PLCB1: variants seen among roughly 807,000 people sequenced by gnomAD.
PLCB1 encodes phospholipase C beta 1.
PLCB1 carries 46 observed loss-of-function variants against 161.8 expected under a neutral mutation model. The ratio of observed to expected loss-of-function variants is 0.28; its 90% confidence interval spans 0.22 to 0.36. The LOEUF (loss-of-function observed/expected upper bound fraction) is 0.36, where lower values mean the gene tolerates loss of function less well. Among genes scored for constraint, PLCB1 ranks in the 10% least tolerant of loss-of-function variants. The pLI, the probability that PLCB1 is intolerant of heterozygous loss-of-function variation, is 1.00. For missense variants in PLCB1, 1,016 were observed against 1,472.5 expected (o/e 0.69, Z 5.07); for synonymous variants, 517 against 503.7 (o/e 1.03, Z -0.35).
intron 1 of PLCB1, among the ~76,000 whole-genome samples, chr20:8,140,746 G>A (rs1343525740): frequency 2.0e-5 from 3 of 152,060 alleles, no homozygotes; most frequent in Admixed American, 1.3e-4. Context: ...CTACCATGAT[G>A]TCCCCGAACA....
intron 2 of PLCB1, among the ~76,000 whole-genome samples, chr20:8,368,345 T>C (rs1206967969): frequency 2.0e-5 from 3 of 151,752 alleles, no homozygotes; most frequent in Non-Finnish European, 4.4e-5. Flanking sequence ...CTGGCCAACA[T>C]AGCAAAATGC....
At position 8,705,017 on chromosome 20, in the gene PLCB1, C is replaced by T. The variant is rs73598300; in HGVS notation, c.1168-3653C>T. On this transcript the variant is annotated intron_variant, in intron 11 of 31. Coordinates refer to ENST00000338037, the MANE Select transcript of PLCB1 (RefSeq NM_015192.4). Reference sequence around the variant, plus strand: ...TTTTTTCCTATTCAGGCTTCCAGTGCGTTGAATGAGGCCCATCCACATTAG... The same window carrying T: ...TTTTTTCCTATTCAGGCTTCCAGTGTGTTGAATGAGGCCCATCCACATTAG... Among the ~76,000 whole-genome samples, 795 of 108,932 alleles carry T rather than the reference C, an allele frequency of 7.3e-3. 53 individuals are homozygous for T. The East Asian group carries it at 0.18, about 25-fold the overall frequency. The allele number at this position is 108,932 out of a possible 152,430, so 71.5% of individuals were successfully genotyped here. A position where few individuals can be genotyped will look rare whatever the true frequency, so the allele number is the denominator to read the frequency against.
At chr20:8,445,753 G>A (rs1294684442) in intron 3 of PLCB1, among the ~76,000 whole-genome samples, 1 of 151,756 alleles carries the variant, frequency 6.6e-6, no homozygotes, top group African/African-American at 2.4e-5. Context: ...TCCTTGAAGA[G>A]GTCCTTCACA....
At chr20:8,492,921 G>A (rs958353921) in intron 3 of PLCB1, among the ~76,000 whole-genome samples, 1 of 151,062 alleles carries the variant, frequency 6.6e-6, no homozygotes, top group Non-Finnish European at 1.5e-5. Context: ...TTTAAATTAT[G>A]TTCATTACAT....
intron 3 of PLCB1, among the ~76,000 whole-genome samples, chr20:8,443,081 G>A (rs576758651): frequency 6.6e-6 from 1 of 151,624 alleles, no homozygotes; most frequent in South Asian, 2.1e-4. Flanking sequence ...CTGGGTTCAA[G>A]CGATTCTCCT....
intron 2 of PLCB1, among the ~76,000 whole-genome samples, chr20:8,314,372 G>A (rs954372003): frequency 6.6e-6 from 1 of 152,126 alleles, no homozygotes; most frequent in Non-Finnish European, 1.5e-5. Flanking sequence ...TCATTGAAGG[G>A]AAATGATAGT....
In PLCB1 at chr20:8,360,779, T is replaced by C. The variant is rs186504617; in HGVS notation, c.178-10603T>C. Among the ~76,000 whole-genome samples the C allele has an allele frequency of 8.5e-5, 13 of 152,296 alleles. No homozygotes were observed. The East Asian group carries it at 2.3e-3, about 27-fold the overall frequency. ...AAAGGGAGGGGAAAAAAGACCACAC[T>C]TGTCAACTTAAAATATCTCATTTTG... On this transcript the variant is annotated intron_variant, in intron 2 of 31. Transcript: ENST00000338037.
At chr20:8,316,850 G>A (rs1984681906) in intron 2 of PLCB1, among the ~76,000 whole-genome samples, 1 of 151,964 alleles carries the variant, frequency 6.6e-6, no homozygotes, top group African/African-American at 2.4e-5. Context: ...GGGATCATAG[G>A]ACTCTTGTTT....
intron 3 of PLCB1, among the ~76,000 whole-genome samples, chr20:8,496,664 G>C (rs983155453): frequency 2.6e-5 from 4 of 152,118 alleles, no homozygotes; most frequent in Non-Finnish European, 5.9e-5. Flanking sequence ...TTTTGGCATG[G>C]AGTTGGCTAA....
In PLCB1 at chr20:8,577,387, G is replaced by A. The variant is rs184953647; in HGVS notation, c.247-50907G>A. ...CGGGAGGCGGAGCTTGCAGTGAGCC[G>A]AGGTCGTGCCACTGCACTCCAGCCT... On this transcript the variant is annotated intron_variant, in intron 3 of 31. Transcript: ENST00000338037. Among the ~76,000 whole-genome samples the A allele has an allele frequency of 4.8e-3, 716 of 149,124 alleles. 2 individuals carry two copies. The highest frequency in any genetic ancestry group is 8.5e-3 in the Non-Finnish European group (572 of 67,550).
At chr20:8,229,359 A>AT (rs1979880840) in intron 2 of PLCB1, among the ~76,000 whole-genome samples, 1 of 152,168 alleles carries the variant, frequency 6.6e-6, no homozygotes, top group South Asian at 2.1e-4. Flanking sequence ...GTAAGTTCCC[A>AT]TATTTACTCT....
At chr20:8,341,434 A>G (rs1841672999) in intron 2 of PLCB1, among the ~76,000 whole-genome samples, 1 of 152,146 alleles carries the variant, frequency 6.6e-6, no homozygotes, top group South Asian at 2.1e-4. Flanking sequence ...CCTTAGGCTC[A>G]CTTTATATGC....
At chr20:8,629,970 CTTTCTTTCT>C (rs1555778025) in intron 4 of PLCB1, among the ~76,000 whole-genome samples, 57 of 21,360 alleles carry the variant, frequency 2.7e-3, no homozygotes, top group African/African-American at 7.3e-3. Flanking sequence ...TTTCTTCTTT[CTTTCTTTCT>C]TTCTTTCTTT....
intron 3 of PLCB1, among the ~76,000 whole-genome samples, chr20:8,519,195 C>T (rs561018899): frequency 9.2e-5 from 14 of 151,842 alleles, no homozygotes; most frequent in Non-Finnish European, 1.6e-4. Context: ...GGAAATGAAG[C>T]GAAAACAGAC....
intron 23 of PLCB1, 43 bp downstream of exon 23, chr20:8,741,616 C>A (rs1261458501): frequency 1.6e-6 from 2 of 1,268,984 alleles, no homozygotes; most frequent in Non-Finnish European, 2.3e-6. Context: ...TAAGCATGAT[C>A]ACCACACCTA....
intron 31 of PLCB1, among the ~76,000 whole-genome samples, chr20:8,819,506 T>C (rs181754499): frequency 2.2e-4 from 33 of 152,346 alleles, no homozygotes; most frequent in East Asian, 2.1e-3. Flanking sequence ...GAAAGATTGA[T>C]AATTTGGGCT....
chr20:8,177,391 A>G (rs77440617), intron 2 of PLCB1, among the ~76,000 whole-genome samples: 3,072 of 152,264 alleles, frequency 0.02, 77 homozygotes, highest in African/African-American at 0.067. Flanking sequence ...TTCTGTTGAT[A>G]AATTACCCAG....
intron 3 of PLCB1, among the ~76,000 whole-genome samples, chr20:8,419,597 A>C (rs1394405590): frequency 2.0e-5 from 3 of 152,218 alleles, no homozygotes; most frequent in African/African-American, 4.8e-5. Flanking sequence ...CCCCAACTGT[A>C]GGCTAATGTA....
chr20:8,684,316 G>A (rs944730258), intron 9 of PLCB1, among the ~76,000 whole-genome samples: 3 of 151,390 alleles, frequency 2.0e-5, no homozygotes, highest in Admixed American at 6.6e-5. Context: ...GAGTGCAGTG[G>A]CGCCATCTCG....
Sources: gnomAD v4.1 joint callset for allele counts (sites outside exome capture counted in the v4.1 genomes callset) on GRCh38, gnomAD v4.1.1 for gene constraint, MANE v1.5 for transcripts, NCBI Gene and HGNC (gene_info 2026-07-23, HGNC 2026-07-21) for gene names.